Variants in RIPK2 observed in about 807,000 individuals in gnomAD.
The protein encoded by RIPK2 is receptor interacting serine/threonine kinase 2, also known as receptor-interacting serine/threonine-protein kinase 2.
RIPK2 carries 38 observed loss-of-function variants against 60.9 expected under a neutral mutation model. That is an observed-to-expected ratio of 0.62 (90% CI 0.48 to 0.82). The LOEUF (loss-of-function observed/expected upper bound fraction) is 0.82. Among genes scored for constraint, RIPK2 ranks in the 40% least tolerant of loss-of-function variants. The probability of loss-of-function intolerance (pLI) is 0.00; values close to 1 mark genes in which losing one functional copy is unlikely to be tolerated. For synonymous variants in RIPK2, 225 were observed against 223.4 expected (o/e 1.01, Z -0.06); for missense variants, 518 against 647.0 (o/e 0.80, Z 2.16).
At chr8:89,774,555 T>C (rs1809365728) in intron 6 of RIPK2, among the ~76,000 whole-genome samples, 1 of 152,072 alleles carries the variant, frequency 6.6e-6, no homozygotes. Context: ...CCAAGAGAAA[T>C]GAAAACATAT....
rs1809382110 is a variant in RIPK2 at position 89,775,474 on chromosome 8, A to T, written c.853+2646A>T. ...GCTGTTTCTTAAATAAAAAAAAAAAATCCTGGAGAAAGATAGATTACTTTA... is the reference window on the plus strand; with the variant it reads ...GCTGTTTCTTAAATAAAAAAAAAAATTCCTGGAGAAAGATAGATTACTTTA... On this transcript the variant is annotated intron_variant, in intron 6 of 10. Coordinates refer to ENST00000220751, the MANE Select transcript of RIPK2 (RefSeq NM_003821.6). 2.6e-5 allele frequency among the ~76,000 whole-genome samples: 4 copies of T among 152,070 alleles called. No homozygotes were observed. In the South Asian group the frequency reaches 8.3e-4, roughly 31 times the overall value.
At chr8:89,787,968 G>A (rs1373742702) in intron 9 of RIPK2, among the ~76,000 whole-genome samples, 2 of 152,166 alleles carry the variant, frequency 1.3e-5, no homozygotes, top group South Asian at 2.1e-4. Flanking sequence ...TTAGAGGAGC[G>A]ATGAGAGAAA....
chr8:89,773,410 G>A (rs572614418), intron 6 of RIPK2, among the ~76,000 whole-genome samples: 1 of 152,206 alleles, frequency 6.6e-6, no homozygotes, highest in Non-Finnish European at 1.5e-5. Flanking sequence ...AGAGGAAAAA[G>A]TTTTATATTC....
At position 89,784,076 on chromosome 8, in the gene RIPK2, C is replaced by T. The variant is rs1163840706; in HGVS notation, c.966C>T (p.His322=). The T allele has an allele frequency of 6.3e-7, 1 of 1,581,030 alleles. No individual in the cohort carries two copies. Among genetic ancestry groups the T allele is most frequent in the African/African-American group, 1.4e-5 (1 of 70,880 alleles). The change falls in exon 8 of 11, where the codon CAC becomes CAT. Residue 322 remains histidine, a synonymous_variant. Coordinates refer to ENST00000220751, the MANE Select transcript of RIPK2 (RefSeq NM_003821.6). The part of the protein sequence containing the change: ...TKLQSVSSAI[H]LCDKKKMELS... ...TACAGAGTGTTTCAAGTGCCATTCA[C>T]CTATGTGACAAGAAGAAAATGGAAT...
intron 6 of RIPK2, among the ~76,000 whole-genome samples, chr8:89,773,880 T>G (rs192466894): frequency 6.6e-6 from 1 of 152,154 alleles, no homozygotes; most frequent in Non-Finnish European, 1.5e-5. Flanking sequence ...AATCAGACTT[T>G]GCAAACATTG....
Position 89,759,462 on chromosome 8 carries a change from C to A in RIPK2, c.173+1229C>A, listed in dbSNP as rs570944733. ...GCCAGAAGCTGTGAGTATCCAGCAT[C>A]AGATAAATTCCTCAGCTTCCGCCCT... On this transcript the variant is annotated intron_variant, in intron 1 of 10. Coordinates refer to ENST00000220751, the MANE Select transcript of RIPK2 (RefSeq NM_003821.6). 282 of 449,572 alleles carry A rather than the reference C, an allele frequency of 6.3e-4. 1 individual carries two copies. Among genetic ancestry groups the A allele is most frequent in the Non-Finnish European group, 1.1e-3 (245 of 221,794 alleles). The allele number at this position is 449,572 out of a possible 1,614,324, so 27.8% of individuals were successfully genotyped here.
chr8:89,768,567 A>G (rs1224922864), intron 3 of RIPK2, among the ~76,000 whole-genome samples: 1 of 151,492 alleles, frequency 6.6e-6, no homozygotes, highest in Non-Finnish European at 1.5e-5. Context: ...TACAGCCCAT[A>G]TTTCTTCATT....
chr8:89,784,611 C>T (rs974700146), intron 8 of RIPK2, among the ~76,000 whole-genome samples: 32 of 152,064 alleles, frequency 2.1e-4, no homozygotes, highest in African/African-American at 7.5e-4. Flanking sequence ...GTTCATTTTA[C>T]AGAATTAGAA....
chr8:89,773,120 G>C (rs1191874048), intron 6 of RIPK2, among the ~76,000 whole-genome samples: 2 of 152,102 alleles, frequency 1.3e-5, no homozygotes, highest in African/African-American at 2.4e-5. Context: ...TGAGCCCTGG[G>C]AACAGAGTAG....
chr8:89,782,278 A>G (rs1467720547), intron 7 of RIPK2, among the ~76,000 whole-genome samples: 1 of 152,214 alleles, frequency 6.6e-6, no homozygotes, highest in Non-Finnish European at 1.5e-5. Context: ...CTGTAGGTTC[A>G]TCATACTACT....
intron 1 of RIPK2, among the ~76,000 whole-genome samples, 184 bp downstream of exon 1, chr8:89,758,417 T>C (rs1053375836): frequency 6.6e-6 from 1 of 152,168 alleles, no homozygotes; most frequent in African/African-American, 2.4e-5. Flanking sequence ...TCTGGCACCG[T>C]AGGGAGCACA....
intron 3 of RIPK2, 97 bp downstream of exon 3, chr8:89,765,593 C>T (rs970036315): frequency 2.2e-5 from 16 of 712,996 alleles, no homozygotes; most frequent in Non-Finnish European, 2.7e-5. Flanking sequence ...CATGTCTCTC[C>T]TTAGAGATAG....
rs774282403 is a variant in RIPK2 at position 89,780,089 on chromosome 8, C to T, written c.868C>T (p.Leu290Phe). Residue 290 changes from leucine (L) to phenylalanine (F), a missense_variant, in exon 7 of 11, where the codon CTT (leucine) becomes TTT (phenylalanine). By Grantham distance (22) the Leu-to-Phe change is conservative (BLOSUM62 0). Coordinates refer to ENST00000220751, the MANE Select transcript of RIPK2 (RefSeq NM_003821.6). ...CTCTTATGTAGAATGTTTAATAGAA[C>T]TTGAACCAGTTTTGAGAACATTTGA... ...RPSFLKCLIE[L>F]EPVLRTFEEI... 2.6e-6 allele frequency: 4 copies of T among 1,543,038 alleles called. No homozygotes were observed. The highest frequency in any genetic ancestry group is 3.5e-6 in the Non-Finnish European group (4 of 1,128,410).
chr8:89,780,319 T>G lies in RIPK2; in HGVS notation c.939+159T>G, dbSNP rs1809477449. ...ATTTACCAGAGACTATGAATACTAC[T>G]TTTCCTTTGTCACCAAAAGCTTTTC... On this transcript the variant is annotated intron_variant, in intron 7 of 10. Coordinates refer to ENST00000220751, the MANE Select transcript of RIPK2 (RefSeq NM_003821.6). The G allele has an allele frequency of 7.6e-6, 3 of 395,428 alleles. No homozygotes were observed. In the South Asian group the frequency reaches 1.3e-4, roughly 17 times the overall value. The allele number at this position is 395,428 out of a possible 1,614,324, so 24.5% of individuals were successfully genotyped here. A position where few individuals can be genotyped will look rare whatever the true frequency, so the allele number is the denominator to read the frequency against.
chr8:89,784,010 C>A, intron 7 of RIPK2, 40 bp from the exon 8 acceptor site: 1 of 1,058,096 alleles, frequency 9.5e-7, no homozygotes, highest in South Asian at 1.4e-5. Flanking sequence ...TCCTAATCAT[C>A]TCCAGTTAAA....
chr8:89,790,411 A>C lies in RIPK2; in HGVS notation c.1618A>C (p.Met540Leu). ...PSLNLLQNKS[M>L] ...TTTAAATTTACTTCAAAATAAAAGC[A>C]TGTAAGTGACTGTTTTTCAAGAAGA... Residue 540 changes from methionine (M) to leucine (L), a missense_variant, in exon 11 of 11, where the codon ATG becomes CTG. This residue lies in a region of RIPK2 where 41 missense variants were observed against 43.7 expected (regional missense o/e 0.94). Coordinates refer to ENST00000220751, the MANE Select transcript of RIPK2 (RefSeq NM_003821.6). 1 of 1,571,864 alleles carries C rather than the reference A, an allele frequency of 6.4e-7. No individual in the cohort carries two copies. The highest frequency in any genetic ancestry group is 8.6e-7 in the Non-Finnish European group (1 of 1,158,012).
chr8:89,778,655 TTTA>T (rs1218624899), intron 6 of RIPK2, among the ~76,000 whole-genome samples: 4 of 152,220 alleles, frequency 2.6e-5, no homozygotes, highest in Admixed American at 2.6e-4. Flanking sequence ...AGTTCAGTAA[TTTA>T]TTGTTGAATA....
intron 9 of RIPK2, 53 bp downstream of exon 9, chr8:89,786,739 A>G (rs1809594150): frequency 9.2e-7 from 1 of 1,087,688 alleles, no homozygotes; most frequent in African/African-American, 1.7e-5. Flanking sequence ...TTTTCTTTCA[A>G]GATCAAATTT....
intron 6 of RIPK2, among the ~76,000 whole-genome samples, chr8:89,776,955 C>G (rs1424887297): frequency 6.6e-6 from 1 of 152,046 alleles, no homozygotes; most frequent in Non-Finnish European, 1.5e-5. Flanking sequence ...ATGAAGTGAG[C>G]CTTCCGATTG....
Sources: gnomAD v4.1 joint callset for allele counts (sites outside exome capture counted in the v4.1 genomes callset) on GRCh38, gnomAD v4.1.1 for gene constraint, gnomAD v4.1.1 regional missense constraint, MANE v1.5 for transcripts, NCBI Gene and HGNC (gene_info 2026-07-23, HGNC 2026-07-21) for gene names.